The following COL4A2 variants were observed in gnomAD, a reference collection of about 807,000 sequenced individuals.
COL4A2 encodes the protein collagen type IV alpha 2 chain, also known as collagen alpha-2(IV) chain.
A neutral mutation model predicts 200.2 loss-of-function variants in COL4A2; 99 were observed. The ratio of observed to expected loss-of-function variants is 0.49; its 90% CI spans 0.42 to 0.58. The LOEUF is 0.58. Ranked by LOEUF, COL4A2 falls within the 20% of genes least tolerant of loss-of-function variation. The pLI is 0.00. For synonymous variants in COL4A2, 897 were observed against 900.6 expected (o/e 1.00, Z 0.07); for missense variants, 1,950 against 2,314.1 (o/e 0.84, Z 3.23).
intron 3 of COL4A2, among the ~76,000 whole-genome samples, chr13:110,346,174 A>G (rs1876692262): frequency 6.6e-6 from 1 of 152,120 alleles, no homozygotes; most frequent in African/African-American, 2.4e-5. Flanking sequence ...AATACTTGAA[A>G]AGAAAGAGAA....
Position 110,428,561 on chromosome 13 carries a change from C to T in COL4A2, c.455C>T (p.Ser152Phe). ...GDSGPQGPPGSEGFTGPPGPQ... is the reference protein window; with the variant it reads ...GDSGPQGPPGFEGFTGPPGPQ... ...TCAGGTCCACAGGGGCCCCCCGGCT[C>T]TGAGGGGTTCACCGGGCCTCCCGTG... Residue 152 changes from serine to phenylalanine, a missense_variant, in exon 7 of 48, where the codon TCT becomes TTT. By Grantham distance (155) the Ser-to-Phe change is radical (BLOSUM62 -2). Coordinates refer to ENST00000360467, the MANE Select transcript of COL4A2 (RefSeq NM_001846.4). 1 of 1,560,676 alleles carries T rather than the reference C, an allele frequency of 6.4e-7. No homozygotes were observed. Among genetic ancestry groups the T allele is most frequent in the Non-Finnish European group, 8.6e-7 (1 of 1,160,200 alleles).
At chr13:110,408,603 C>T (rs1879668905) in intron 4 of COL4A2, among the ~76,000 whole-genome samples, 1 of 152,180 alleles carries the variant, frequency 6.6e-6, no homozygotes, top group African/African-American at 2.4e-5. Flanking sequence ...GTCATGGATC[C>T]TTTAGGAGTG....
chr13:110,471,747 T>C lies in COL4A2; in HGVS notation c.2204-1182T>C, dbSNP rs141923924. Among the ~76,000 whole-genome samples the C allele has an allele frequency of 5.5e-3, 837 of 152,290 alleles. 4 individuals are homozygous for C. Among genetic ancestry groups the C allele is most frequent in the Admixed American group, 8.2e-3 (125 of 15,300 alleles). On this transcript the variant is annotated intron_variant, in intron 28 of 47. Transcript: ENST00000360467. The stretch of plus-strand genomic sequence containing the variant: ...GGCCCAGGAGGTCCCCGGGCCCTGC[T>C]CATTGGATCTTTTTGGTGGGATACA...
intron 4 of COL4A2, among the ~76,000 whole-genome samples, chr13:110,418,740 G>GA (rs5806854): frequency 0.098 from 14,919 of 152,260 alleles, 1,030 homozygotes; most frequent in East Asian, 0.29. Flanking sequence ...GACAGAGATA[G>GA]AAAGTGTCCA....
At chr13:110,320,556 A>G (rs1421182396) in intron 3 of COL4A2, among the ~76,000 whole-genome samples, 2 of 152,240 alleles carry the variant, frequency 1.3e-5, no homozygotes, top group Admixed American at 1.3e-4. Flanking sequence ...AATCCTGCCT[A>G]GAAGTTCCAG....
intron 40 of COL4A2, among the ~76,000 whole-genome samples, chr13:110,498,284 T>G (rs1883528257): frequency 6.6e-6 from 1 of 152,198 alleles, no homozygotes; most frequent in Admixed American, 6.5e-5. Context: ...TTTGCTATCT[T>G]TAAAGGCCTT....
intron 13 of COL4A2, among the ~76,000 whole-genome samples, chr13:110,436,817 C>T (rs1441693059): frequency 6.6e-6 from 1 of 152,142 alleles, no homozygotes; most frequent in Admixed American, 6.5e-5. Context: ...ATTCAATTAA[C>T]ATTTTGCTTA....
chr13:110,504,061 T>C (rs1883754236), intron 44 of COL4A2, 68 bp downstream of exon 44: 1 of 1,564,676 alleles, frequency 6.4e-7, no homozygotes, highest in Admixed American at 1.7e-5. Flanking sequence ...CTGCTGGCAT[T>C]GCGTCCTCTT....
intron 34 of COL4A2, among the ~76,000 whole-genome samples, chr13:110,486,315 A>G (rs1436007149): frequency 6.6e-6 from 1 of 152,086 alleles, no homozygotes; most frequent in Non-Finnish European, 1.5e-5. Flanking sequence ...GATGGTAACA[A>G]TGGTGAGCCC....
chr13:110,484,346 G>A (rs138326910), intron 32 of COL4A2, among the ~76,000 whole-genome samples: 14 of 152,244 alleles, frequency 9.2e-5, no homozygotes, highest in African/African-American at 3.4e-4. Context: ...CTCCTCCAGT[G>A]AGCATGGATT....
chr13:110,505,961 T>C (rs929486397), intron 45 of COL4A2, among the ~76,000 whole-genome samples: 2 of 152,318 alleles, frequency 1.3e-5, no homozygotes, highest in South Asian at 2.1e-4. Context: ...ACTGCCATCA[T>C]TTCATGCTAC....
intron 4 of COL4A2, among the ~76,000 whole-genome samples, chr13:110,385,511 ATAGGCCGTGGTTACAGTGCG>A (rs1296946764): frequency 1.4e-5 from 2 of 147,758 alleles, no homozygotes; most frequent in Non-Finnish European, 3.0e-5. Context: ...CAGTGTGTGG[ATAGGCCGTGGTTACAGTGCG>A]TGGATAGGCC....
At chr13:110,423,497 C>T (rs111701311) in intron 4 of COL4A2, among the ~76,000 whole-genome samples, 1,863 of 152,148 alleles carry the variant, frequency 0.012, 36 homozygotes, top group African/African-American at 0.039. Context: ...GGGCTTAACA[C>T]CTAGGTGATG....
chr13:110,372,155 C>T (rs1878040436), intron 4 of COL4A2, among the ~76,000 whole-genome samples: 1 of 152,148 alleles, frequency 6.6e-6, no homozygotes, highest in African/African-American at 2.4e-5. Context: ...TGACAACATC[C>T]CATTGTCTTC....
intron 17 of COL4A2, among the ~76,000 whole-genome samples, 197 bp downstream of exon 17, chr13:110,446,079 G>A (rs922191399): frequency 6.6e-6 from 1 of 152,234 alleles, no homozygotes; most frequent in African/African-American, 2.4e-5. Context: ...CCAGGGAGAA[G>A]GGTGCCACCT....
At chr13:110,438,429 A>T (rs896902933) in intron 14 of COL4A2, 189 bp from the exon 15 acceptor site, 1 of 769,882 alleles carries the variant, frequency 1.3e-6, no homozygotes, top group Non-Finnish European at 2.3e-6. Context: ...GATGGGTGAC[A>T]GCCCGGGAAG....
intron 6 of COL4A2, among the ~76,000 whole-genome samples, chr13:110,425,383 G>C (rs963302725): frequency 1.3e-5 from 2 of 152,198 alleles, no homozygotes; most frequent in Non-Finnish European, 2.9e-5. Context: ...GAGCATTTGT[G>C]CAGCTTCTCA....
chr13:110,480,812 GC>G (rs1339506588), intron 31 of COL4A2, among the ~76,000 whole-genome samples: 1 of 152,258 alleles, frequency 6.6e-6, no homozygotes, highest in Non-Finnish European at 1.5e-5. Context: ...GCACAAGCAG[GC>G]CAATCTAGAA....
intron 3 of COL4A2, among the ~76,000 whole-genome samples, chr13:110,312,315 G>C (rs1361569945): frequency 6.6e-6 from 1 of 152,144 alleles, no homozygotes; most frequent in Non-Finnish European, 1.5e-5. Flanking sequence ...CGCAGGAGAG[G>C]AAACAGGCTC....
Sources: allele counts gnomAD v4.1 joint callset (sites outside exome capture counted in the v4.1 genomes callset), GRCh38; gene constraint gnomAD v4.1.1; transcripts MANE v1.5; gene names NCBI Gene and HGNC (gene_info 2026-07-23, HGNC 2026-07-21).